The following EVI5 variants were observed in gnomAD, a reference collection of about 807,000 sequenced individuals.
EVI5 encodes ecotropic viral integration site 5, also known as ecotropic viral integration site 5 protein homolog.
A neutral mutation model predicts 112.0 loss-of-function variants in EVI5; 73 were observed. The ratio of observed to expected loss-of-function variants is 0.65; its 90% confidence interval spans 0.54 to 0.79. The LOEUF (loss-of-function observed/expected upper bound fraction) is 0.79, where lower values mean the gene tolerates loss of function less well. Ranked by LOEUF, EVI5 falls within the 30% of genes least tolerant of loss-of-function variation. EVI5 has a pLI of 0.00. For missense variants in EVI5, 900 were observed against 968.8 expected (o/e 0.93, Z 0.94); for synonymous variants, 305 against 319.9 (o/e 0.95, Z 0.50).
At position 92,677,210 on chromosome 1, in the gene EVI5, T is replaced by C; in HGVS notation, c.1106A>G (p.Lys369Arg). 1 of 1,558,738 alleles carries C rather than the reference T, an allele frequency of 6.4e-7. No homozygotes were observed. The highest frequency in any genetic ancestry group is 8.8e-7 in the Non-Finnish European group (1 of 1,141,126). Residue 369 changes from lysine (K) to arginine (R), a missense_variant, in exon 10 of 20, where the codon AAG becomes AGG. By Grantham distance (26) the Lys-to-Arg change is conservative. Transcript: ENST00000684568. ...YNSKKMKKLEKEYTTIKTKEM... is the reference protein window; with the variant it reads ...YNSKKMKKLEREYTTIKTKEM... Reference sequence around the variant, plus strand: ...TTTCGTTTTTATTGTAGTGTATTCCTTTTCAAGCCTAAGAAAGGAAAAAAA... The same window carrying C: ...TTTCGTTTTTATTGTAGTGTATTCCCTTTCAAGCCTAAGAAAGGAAAAAAA...
At chr1:92,783,764 G>A (rs1357162601) in intron 1 of EVI5, among the ~76,000 whole-genome samples, 1 of 143,240 alleles carries the variant, frequency 7.0e-6, no homozygotes, top group East Asian at 2.1e-4. Context: ...GTGAACCAAC[G>A]TCGCCACTGC....
chr1:92,634,655 G>A lies in EVI5; in HGVS notation c.1527+1547C>T, dbSNP rs146386433. On this transcript the variant is annotated intron_variant, in intron 14 of 19. Transcript: ENST00000684568. ...TCCTTTAGCTCGGAGTAGTTTGGTC[G>A]TCTGAAGCCTTCTTCTCTCAACTCG... 8.3e-3 allele frequency among the ~76,000 whole-genome samples: 1,256 copies of A among 152,060 alleles called. 10 individuals carry two copies. Among genetic ancestry groups the A allele is most frequent in the Middle Eastern group, 0.014 (4 of 294 alleles).
At chr1:92,703,286 C>T in intron 4 of EVI5, 109 bp downstream of exon 4, 1 of 672,528 alleles carries the variant, frequency 1.5e-6, no homozygotes, top group South Asian at 2.1e-5. Flanking sequence ...ATTTCACTGC[C>T]AAAGCAACTG....
rs57088252 is a variant in EVI5 at position 92,575,559 on chromosome 1, CTTTTTTTTTTTTTTT to C, written c.2071-11837_2071-11823del. On this transcript the variant is annotated intron_variant, in intron 18 of 19. Transcript: ENST00000684568. ...TTTTAATCTACAAGAGTCCCTGTGCCTTTTTTTTTTTTTTTTTTTTTTTTTTCTGAGACAGAGTCT... is the reference window on the plus strand; with the variant it reads ...TTTTAATCTACAAGAGTCCCTGTGCCTTTTTTTTTTTCTGAGACAGAGTCT... 5.4e-5 allele frequency among the ~76,000 whole-genome samples: 4 copies of C among 73,720 alleles called. No homozygotes were observed. In the South Asian group the frequency reaches 2.3e-3, roughly 43 times the overall value. 48.4% of individuals were successfully genotyped at this position (73,720 alleles called of 152,430 possible).
chr1:92,560,009 TAA>T (rs1323891259), intron 19 of EVI5, among the ~76,000 whole-genome samples: 1 of 152,100 alleles, frequency 6.6e-6, no homozygotes, highest in African/African-American at 2.4e-5. Context: ...ACAGAATGGC[TAA>T]AATAAGAAAG....
chr1:92,617,633 C>G (rs1247018019), intron 16 of EVI5, among the ~76,000 whole-genome samples: 1 of 152,190 alleles, frequency 6.6e-6, no homozygotes, highest in African/African-American at 2.4e-5. Context: ...CTCACCAAGG[C>G]TGACCTGGCT....
intron 9 of EVI5, among the ~76,000 whole-genome samples, chr1:92,681,537 C>T (rs1041894571): frequency 2.6e-5 from 4 of 152,136 alleles, no homozygotes; most frequent in Non-Finnish European, 5.9e-5. Context: ...AACCTATGAG[C>T]CTTTGTACCT....
intron 18 of EVI5, among the ~76,000 whole-genome samples, chr1:92,593,334 T>A (rs1342973870): frequency 6.6e-6 from 1 of 152,100 alleles, no homozygotes; most frequent in African/African-American, 2.4e-5. Flanking sequence ...GATTATCTCA[T>A]AAGATGCAGA....
In EVI5 at chr1:92,681,792, A is replaced by C. The variant is rs1338349925; in HGVS notation, c.1098-4574T>G. On this transcript the variant is annotated intron_variant, in intron 9 of 19. Transcript: ENST00000684568. ...GCCATTAGCCACATGTGAGTGACTA[A>C]TTAGCACTTGAAATATAACTGATGA... Among the ~76,000 whole-genome samples the C allele has an allele frequency of 2.0e-5, 3 of 152,194 alleles. No individual in the cohort carries two copies. In the East Asian group the frequency reaches 5.8e-4, roughly 29 times the overall value.
intron 1 of EVI5, among the ~76,000 whole-genome samples, 195 bp downstream of exon 1, chr1:92,784,641 G>GCGGCGGCGA (rs1685370152): frequency 6.6e-6 from 1 of 151,916 alleles, no homozygotes. Context: ...GCGGGCGGCG[G>GCGGCGGCGA]CGGCGGCGAC....
At chr1:92,778,701 T>C (rs1480611191) in intron 1 of EVI5, among the ~76,000 whole-genome samples, 2 of 152,206 alleles carry the variant, frequency 1.3e-5, no homozygotes, top group Non-Finnish European at 2.9e-5. Flanking sequence ...GGAATTATCT[T>C]GGCAGCTTTA....
At chr1:92,661,054 C>G (rs1466799390) in intron 13 of EVI5, among the ~76,000 whole-genome samples, 2 of 151,874 alleles carry the variant, frequency 1.3e-5, no homozygotes, top group Non-Finnish European at 2.9e-5. Flanking sequence ...TTTGAGTATA[C>G]AAGATCACAT....
intron 2 of EVI5, among the ~76,000 whole-genome samples, chr1:92,711,125 A>C (rs923333801): frequency 6.6e-6 from 1 of 152,204 alleles, no homozygotes; most frequent in African/African-American, 2.4e-5. Flanking sequence ...TATCTATAAT[A>C]CTATGATTTG....
chr1:92,550,799 T>A (rs1214482331), intron 19 of EVI5, among the ~76,000 whole-genome samples: 4 of 92,254 alleles, frequency 4.3e-5, no homozygotes, highest in African/African-American at 1.5e-4. Context: ...TATATATATA[T>A]ATATATATAT....
intron 2 of EVI5, among the ~76,000 whole-genome samples, chr1:92,728,643 C>T (rs1426252659): frequency 6.6e-6 from 1 of 152,152 alleles, no homozygotes; most frequent in Non-Finnish European, 1.5e-5. Flanking sequence ...CCACCTTGGC[C>T]TCCCAAAGTG....
chr1:92,787,939 A>G (rs1287784211), upstream of EVI5, among the ~76,000 whole-genome samples: 1 of 151,480 alleles, frequency 6.6e-6, no homozygotes, highest in Non-Finnish European at 1.5e-5. Flanking sequence ...GACACAAAAG[A>G]GTGTCATACT....
At chr1:92,577,799 A>G (rs1671310810) in intron 18 of EVI5, among the ~76,000 whole-genome samples, 2 of 152,246 alleles carry the variant, frequency 1.3e-5, no homozygotes, top group Non-Finnish European at 2.9e-5. Flanking sequence ...AAAATTCTGT[A>G]GCTGAAGAAA....
At chr1:92,601,732 TA>T (rs1649222732) in intron 18 of EVI5, among the ~76,000 whole-genome samples, 2 of 152,014 alleles carry the variant, frequency 1.3e-5, no homozygotes, top group Non-Finnish European at 2.9e-5. Flanking sequence ...TGGAAGATGT[TA>T]AAAAAAATTC....
rs905188329 is a variant in EVI5 at position 92,704,752 on chromosome 1, A to G, written c.150-8T>C. ...CTATCCGTTTCTAACAATCTAAAAT[A>G]TAATTAAAAACTGTTCAAGATCTAA... is the stretch of plus-strand genomic sequence containing the variant. On this transcript the variant is annotated splice_region_variant and splice_polypyrimidine_tract_variant and intron_variant, in intron 2 of 19. Coordinates refer to ENST00000684568, the MANE Select transcript of EVI5 (RefSeq NM_001350197.2). 7.0e-7 allele frequency: 1 copy of G among 1,437,970 alleles called. No individual in the cohort carries two copies. The highest frequency in any genetic ancestry group is 1.4e-5 in the South Asian group (1 of 72,494). 89.1% of individuals were successfully genotyped at this position (1,437,970 alleles called of 1,614,324 possible). A position where few individuals can be genotyped will look rare whatever the true frequency, so the allele number is the denominator to read the frequency against.
Sources: allele counts gnomAD v4.1 joint callset (sites outside exome capture counted in the v4.1 genomes callset), GRCh38; gene constraint gnomAD v4.1.1; transcripts MANE v1.5; gene names NCBI Gene and HGNC (gene_info 2026-07-23, HGNC 2026-07-21).